The following PAK2 variants were observed in gnomAD, a reference collection of about 807,000 sequenced individuals.
PAK2 encodes serine/threonine-protein kinase PAK 2.
A neutral mutation model predicts 65.9 loss-of-function variants in PAK2; 21 were observed. That is an observed-to-expected ratio of 0.32 (90% CI 0.23 to 0.46). PAK2 has a LOEUF of 0.46. Ranked by LOEUF, PAK2 falls within the 20% of genes least tolerant of loss-of-function variation. The pLI, the probability that PAK2 is intolerant of heterozygous loss-of-function variation, is 1.00. For missense variants in PAK2, 324 were observed against 642.6 expected (o/e 0.50, Z 5.36); for synonymous variants, 204 against 219.7 (o/e 0.93, Z 0.63).
At chr3:196,811,970 T>C (rs1256355293) in intron 8 of PAK2, among the ~76,000 whole-genome samples, 1 of 152,118 alleles carries the variant, frequency 6.6e-6, no homozygotes, top group African/African-American at 2.4e-5. Context: ...GTTATATAAT[T>C]TTTTTCCTGC....
At chr3:196,811,849 A>G (rs1206533771) in intron 8 of PAK2, among the ~76,000 whole-genome samples, 2 of 152,080 alleles carry the variant, frequency 1.3e-5, no homozygotes, top group East Asian at 3.9e-4. Context: ...AACACCAAAT[A>G]CAGATCACCT....
chr3:196,822,125 G>A (rs913931817), intron 13 of PAK2, among the ~76,000 whole-genome samples: 3 of 152,148 alleles, frequency 2.0e-5, no homozygotes, highest in Non-Finnish European at 4.4e-5. Context: ...CTATAGAGGT[G>A]ATTAGTTTAG....
intron 1 of PAK2, among the ~76,000 whole-genome samples, chr3:196,771,832 A>G (rs1714370140): frequency 6.6e-6 from 1 of 152,192 alleles, no homozygotes. Flanking sequence ...TGCTGGGATT[A>G]CAGGCGTGAG....
At chr3:196,766,612 T>G (rs1011253794) in intron 1 of PAK2, among the ~76,000 whole-genome samples, 1 of 152,132 alleles carries the variant, frequency 6.6e-6, no homozygotes, top group Non-Finnish European at 1.5e-5. Flanking sequence ...AGCTGGTGAT[T>G]TTATATAATT....
chr3:196,782,281 T>C (rs1714737796), intron 1 of PAK2, among the ~76,000 whole-genome samples: 1 of 150,726 alleles, frequency 6.6e-6, no homozygotes, highest in Admixed American at 6.6e-5. Flanking sequence ...TCAGAACATA[T>C]TTTTCCTCTT....
At chr3:196,766,116 C>T (rs1049363917) in intron 1 of PAK2, among the ~76,000 whole-genome samples, 2 of 151,942 alleles carry the variant, frequency 1.3e-5, no homozygotes. Flanking sequence ...AGGTTGGTCT[C>T]GAACTCCTGA....
At chr3:196,792,679 C>T (rs921464422) in intron 2 of PAK2, among the ~76,000 whole-genome samples, 2 of 152,146 alleles carry the variant, frequency 1.3e-5, no homozygotes, top group African/African-American at 4.8e-5. Context: ...ATAGACTTAT[C>T]AAACAGCATG....
chr3:196,810,667 A>T lies in PAK2; in HGVS notation c.773+14A>T, dbSNP rs1715745137. The T allele has an allele frequency of 4.0e-6, 5 of 1,253,344 alleles. No individual in the cohort carries two copies. Among genetic ancestry groups the T allele is most frequent in the Non-Finnish European group, 5.9e-6 (5 of 852,692 alleles). 77.6% of individuals were successfully genotyped at this position (1,253,344 alleles called of 1,614,324 possible). A position where few individuals can be genotyped will look rare whatever the true frequency, so the allele number is the denominator to read the frequency against. ...AATTGGACAAGGGTAAGTATTTGTG[A>T]CTGTATTACGATAATATTCAGTATT... On this transcript the variant is annotated intron_variant, in intron 8 of 14. Coordinates refer to ENST00000327134, the MANE Select transcript of PAK2 (RefSeq NM_002577.4).
At chr3:196,825,426 A>G (rs570344472) in intron 13 of PAK2, among the ~76,000 whole-genome samples, 7,385 of 150,628 alleles carry the variant, frequency 0.049, 630 homozygotes, top group African/African-American at 0.17. Flanking sequence ...GGCAGATCAC[A>G]AAGTTGGGAG....
At chr3:196,780,101 C>T (rs759654214) in intron 1 of PAK2, among the ~76,000 whole-genome samples, 8 of 152,196 alleles carry the variant, frequency 5.3e-5, no homozygotes, top group African/African-American at 1.2e-4. Context: ...AAACAAATCC[C>T]GCATGATGTC....
chr3:196,760,411 C>T (rs1713920563), intron 1 of PAK2, among the ~76,000 whole-genome samples: 1 of 152,092 alleles, frequency 6.6e-6, no homozygotes, highest in South Asian at 2.1e-4. Context: ...CCACCACACC[C>T]AGCTAATTTC....
At chr3:196,774,957 T>C (rs1714488515) in intron 1 of PAK2, among the ~76,000 whole-genome samples, 1 of 152,170 alleles carries the variant, frequency 6.6e-6, no homozygotes, top group South Asian at 2.1e-4. Context: ...TTTCTTCCAC[T>C]CAACAACAAC....
intron 2 of PAK2, among the ~76,000 whole-genome samples, chr3:196,798,932 C>T (rs1179986620): frequency 1.3e-5 from 2 of 152,060 alleles, no homozygotes; most frequent in East Asian, 1.9e-4. Flanking sequence ...CTACCATTGG[C>T]ATTAAACTTA....
intron 2 of PAK2, among the ~76,000 whole-genome samples, chr3:196,787,873 C>T (rs117024423): frequency 0.015 from 2,313 of 152,310 alleles, 104 homozygotes; most frequent in Admixed American, 0.097. Flanking sequence ...GCCCAGCTTT[C>T]GGCATTAGGA....
chr3:196,765,362 C>G (rs1652488469), intron 1 of PAK2, among the ~76,000 whole-genome samples: 1 of 152,032 alleles, frequency 6.6e-6, no homozygotes, highest in Non-Finnish European at 1.5e-5. Context: ...GTTGGCCAGG[C>G]TGGGCTCGAA....
chr3:196,763,398 C>T (rs755086570), intron 1 of PAK2, among the ~76,000 whole-genome samples: 2 of 152,130 alleles, frequency 1.3e-5, no homozygotes, highest in Non-Finnish European at 2.9e-5. Context: ...AAGCAAAACT[C>T]CTTTTCTTCT....
chr3:196,781,395 A>C (rs952545908), intron 1 of PAK2, among the ~76,000 whole-genome samples: 5 of 152,162 alleles, frequency 3.3e-5, no homozygotes, highest in African/African-American at 9.7e-5. Context: ...TAAAGACTTA[A>C]ACCTAGAAGT....
chr3:196,756,559 T>TG (rs1713774684), intron 1 of PAK2, among the ~76,000 whole-genome samples: 1 of 152,162 alleles, frequency 6.6e-6, no homozygotes, highest in South Asian at 2.1e-4. Flanking sequence ...ATGCTTGGGC[T>TG]GGGCGTGGTG....
chr3:196,810,625 T>C lies in PAK2; in HGVS notation c.745T>C (p.Tyr249His). ...GAGCATAGGTGACCCTAAGAAAAAA[T>C]ATACAAGATATGAAAAAATTGGACA... Reference protein sequence around the residue: ...IVSIGDPKKKYTRYEKIGQGA... With the variant: ...IVSIGDPKKKHTRYEKIGQGA... Residue 249 changes from tyrosine to histidine, a missense_variant, in exon 8 of 15, where the codon TAT becomes CAT. This residue lies in a region of PAK2 where 183 missense variants were observed against 246.2 expected (regional missense o/e 0.74). Coordinates refer to ENST00000327134, the MANE Select transcript of PAK2 (RefSeq NM_002577.4). 2 of 1,555,562 alleles carry C rather than the reference T, an allele frequency of 1.3e-6. No homozygotes were observed. The highest frequency in any genetic ancestry group is 1.8e-6 in the Non-Finnish European group (2 of 1,127,412).
Sources: gnomAD v4.1 joint callset for allele counts (sites outside exome capture counted in the v4.1 genomes callset) on GRCh38, gnomAD v4.1.1 for gene constraint, gnomAD v4.1.1 regional missense constraint, MANE v1.5 for transcripts, NCBI Gene and HGNC (gene_info 2026-07-23, HGNC 2026-07-21) for gene names.